Variants in SHANK1 observed in about 807,000 individuals in gnomAD.
SHANK1 encodes SH3 and multiple ankyrin repeat domains 1.
A neutral mutation model predicts 165.6 loss-of-function variants in SHANK1; 35 were observed. The observed-to-expected ratio is 0.21, with a 90% confidence interval of 0.16 to 0.28. SHANK1 has a LOEUF of 0.28. Ranked by LOEUF, SHANK1 falls within the 10% of genes least tolerant of loss-of-function variation. The pLI is 1.00. For missense variants in SHANK1, 2,681 were observed against 3,036.4 expected (o/e 0.88, Z 2.75); for synonymous variants, 1,428 against 1,384.8 (o/e 1.03, Z -0.69).
chr19:50,697,997 T>C lies in SHANK1; in HGVS notation c.1748-41A>G, dbSNP rs780947913. 34 of 1,429,162 alleles carry C rather than the reference T, an allele frequency of 2.4e-5. No individual in the cohort carries two copies. Among genetic ancestry groups the C allele is most frequent in the Non-Finnish European group, 3.0e-5 (31 of 1,022,800 alleles). The allele number at this position is 1,429,162 out of a possible 1,614,324, so 88.5% of individuals were successfully genotyped here. On this transcript the variant is annotated intron_variant, in intron 12 of 23. Coordinates refer to ENST00000293441, the MANE Select transcript of SHANK1 (RefSeq NM_016148.5). This position sits in a 1 kb window ranked among gnomAD's most constrained non-coding sequence, Gnocchi z 4.7. ...GGACATAGAGACATTTCTGTGTTTC[T>C]GTGCTGCCCCTCAACTGCCAACACA...
intron 15 of SHANK1, 134 bp downstream of exon 15, chr19:50,696,962 A>T (rs1986761175): frequency 1.3e-6 from 1 of 761,798 alleles, no homozygotes; most frequent in African/African-American, 1.7e-5. Context: ...GATGCGTGTC[A>T]TGCACACCTA....
At position 50,662,796 on chromosome 19, in the gene SHANK1, A is replaced by T; in HGVS notation, c.5769-114T>A. ...GAGAGAGGAGGAGAGACATAAGGGT[A>T]GGGGGAGAGACGGAGGAGAGACGGG... On this transcript the variant is annotated intron_variant, in intron 23 of 23. Coordinates refer to ENST00000293441, the MANE Select transcript of SHANK1 (RefSeq NM_016148.5). The surrounding 1 kb of genome is among the most constrained non-coding windows in gnomAD (Gnocchi z 7.7). 2.9e-6 allele frequency: 3 copies of T among 1,021,540 alleles called. No homozygotes were observed. Among genetic ancestry groups the T allele is most frequent in the Non-Finnish European group, 2.9e-6 (2 of 696,290 alleles). The allele number at this position is 1,021,540 out of a possible 1,614,324, so 63.3% of individuals were successfully genotyped here.
chr19:50,688,725 G>T lies in SHANK1; in HGVS notation c.2172+119C>A. ...GAGGCTGGCTGGGGGGTGGGCAGGGGGCTGGGAATCCTGGTGCCAAAGGAG... is the reference window on the plus strand; with the variant it reads ...GAGGCTGGCTGGGGGGTGGGCAGGGTGCTGGGAATCCTGGTGCCAAAGGAG... On this transcript the variant is annotated intron_variant, in intron 17 of 23. Transcript: ENST00000293441. The surrounding 1 kb of genome is among the most constrained non-coding windows in gnomAD (Gnocchi z 6.7). 1 of 1,002,690 alleles carries T rather than the reference G, an allele frequency of 1.0e-6. No homozygotes were observed. 62.1% of individuals were successfully genotyped at this position (1,002,690 alleles called of 1,614,324 possible). A position where few individuals can be genotyped will look rare whatever the true frequency, so the allele number is the denominator to read the frequency against.
At chr19:50,684,265 G>T (rs992165516) in intron 21 of SHANK1, among the ~76,000 whole-genome samples, 1 of 150,446 alleles carries the variant, frequency 6.6e-6, no homozygotes, top group Non-Finnish European at 1.5e-5. Context: ...CGCTTTTGTC[G>T]CCCAGGCTGG....
chr19:50,711,362 T>C lies in SHANK1; in HGVS notation c.1077+9A>G, dbSNP rs2123196552. On this transcript the variant is annotated intron_variant, in intron 8 of 23. Transcript: ENST00000293441. ...GTGAGGGGCCTGGGGTGGCCGCTGC[T>C]AGGCAGACCTTGTTGTAGAGGGCGC... is the stretch of plus-strand genomic sequence containing the variant. 3.9e-6 allele frequency: 6 copies of C among 1,550,506 alleles called. No individual in the cohort carries two copies. The highest frequency in any genetic ancestry group is 1.2e-5 in the South Asian group (1 of 84,090).
At chr19:50,665,902 A>ATTCCTGTAACCCCAGCTACT (rs1555739472) in intron 23 of SHANK1, among the ~76,000 whole-genome samples, 1 of 135,648 alleles carries the variant, frequency 7.4e-6, no homozygotes, top group African/African-American at 2.9e-5. Context: ...GTGTGGTGGC[A>ATTCCTGTAACCCCAGCTACT]TGGGAGGCTG....
Position 50,717,188 on chromosome 19 carries a change from C to T in SHANK1, c.-43-226G>A, listed in dbSNP as rs7258740. The stretch of plus-strand genomic sequence containing the variant: ...ACATGCTTCTGGCATGTGTCTCCTT[C>T]CCTGCCCTTGGCCCCGCTTGCAGCC... On this transcript the variant is annotated intron_variant, in intron 1 of 23. Coordinates refer to ENST00000293441, the MANE Select transcript of SHANK1 (RefSeq NM_016148.5). The surrounding 1 kb of genome is among the most constrained non-coding windows in gnomAD (Gnocchi z 5.5). Among the ~76,000 whole-genome samples, 2,901 of 152,328 alleles carry T rather than the reference C, an allele frequency of 0.019. 83 individuals are homozygous for T. The highest frequency in any genetic ancestry group is 0.066 in the African/African-American group (2,743 of 41,568).
intron 11 of SHANK1, 110 bp downstream of exon 11, chr19:50,703,390 G>A (rs1258214995): frequency 4.4e-6 from 4 of 915,526 alleles, no homozygotes; most frequent in Non-Finnish European, 6.5e-6. Context: ...TAGGGACTTG[G>A]ATGAGGGCCT....
rs886973914 is a variant in SHANK1, at chr19:50,718,471, C to T, written c.-44+935G>A. 6.6e-6 allele frequency among the ~76,000 whole-genome samples: 1 copy of T among 152,004 alleles called. No homozygotes were observed. The highest frequency in any genetic ancestry group is 2.4e-5 in the African/African-American group (1 of 41,394). On this transcript the variant is annotated intron_variant, in intron 1 of 23. Transcript: ENST00000293441. The surrounding 1 kb of genome is among the most constrained non-coding windows in gnomAD (Gnocchi z 5.1). ...TGGCTAGGGCCCCCCGCGCGTACGG[C>T]TGCCCCAGCCCCCCCGGGCCGGCTC... is the stretch of plus-strand genomic sequence containing the variant.
chr19:50,688,903 C>A lies in SHANK1; in HGVS notation c.2113G>T (p.Val705Leu), dbSNP rs1348725438. 6.3e-7 allele frequency: 1 copy of A among 1,583,724 alleles called. No individual in the cohort carries two copies. Among genetic ancestry groups the A allele is most frequent in the East Asian group, 2.3e-5 (1 of 42,922 alleles). ...AFPALQYLES[V>L]DEGGVAWRAG... ...CGCCATGCCACGCCACCCTCGTCCA[C>A]CGACTCCAGGTACTGCAGCGCCGGG... is the stretch of plus-strand genomic sequence containing the variant. The change falls in exon 17 of 24, where the codon GTG becomes TTG. Residue 705 changes from valine (V) to leucine (L), a missense_variant. This residue lies in a region of SHANK1 where 147 missense variants were observed against 256.5 expected (regional missense o/e 0.57). Transcript: ENST00000293441. The surrounding 1 kb of genome is among the most constrained non-coding windows in gnomAD (Gnocchi z 6.7).
At chr19:50,711,622 GC>G (rs1488874467) in intron 7 of SHANK1, 135 bp from the exon 8 acceptor site, 3 of 706,806 alleles carry the variant, frequency 4.2e-6, no homozygotes, top group African/African-American at 3.6e-5. Flanking sequence ...TCACCTTTTA[GC>G]CCCGCTTCCT....
intron 15 of SHANK1, among the ~76,000 whole-genome samples, chr19:50,696,043 G>A (rs1179850778): frequency 6.6e-6 from 1 of 152,142 alleles, no homozygotes; most frequent in Non-Finnish European, 1.5e-5. Context: ...AGGGGAAGCT[G>A]AGACGCACCA....
In SHANK1 at chr19:50,672,110, C is replaced by T; in HGVS notation, c.2582G>A (p.Ser861Asn). The T allele has an allele frequency of 6.2e-7, 1 of 1,613,228 alleles. No homozygotes were observed. Among genetic ancestry groups the T allele is most frequent in the African/African-American group, 1.3e-5 (1 of 74,996 alleles). ...RPKGFFATES[S>N]FDPHHRAQPS... is the part of the protein sequence containing the mutation. ...CTGGGCACGGTGGTGGGGATCGAAG[C>T]TCGACTTTGGAGCGGCAGTCAGAGG... is the stretch of plus-strand genomic sequence containing the variant. The change falls in exon 22 of 24, where the codon AGC becomes AAC. Residue 861 changes from serine to asparagine, a missense_variant. By Grantham distance (46) the Ser-to-Asn change is conservative. Coordinates refer to ENST00000293441, the MANE Select transcript of SHANK1 (RefSeq NM_016148.5).
At chr19:50,681,121 C>T (rs1006728472) in intron 21 of SHANK1, among the ~76,000 whole-genome samples, 4 of 151,880 alleles carry the variant, frequency 2.6e-5, no homozygotes, top group Non-Finnish European at 4.4e-5. Context: ...ATCGAGACAC[C>T]GAGAACAAGA....
At position 50,703,782 on chromosome 19, in the gene SHANK1, G is replaced by C; in HGVS notation, c.1271C>G (p.Pro424Arg). Residue 424 changes from proline (P) to arginine (R), a missense_variant, in exon 11 of 24, where the codon CCA becomes CGA. Coordinates refer to ENST00000293441, the MANE Select transcript of SHANK1 (RefSeq NM_016148.5). ...PKYAARRRGP[P>R]GTGLTVPPAL... ...CGGGGGCACCGTCAGCCCTGTGCCTGGGGGCCCCCGTCGCCGGGCCGCGTA... is the reference window on the plus strand; with the variant it reads ...CGGGGGCACCGTCAGCCCTGTGCCTCGGGGCCCCCGTCGCCGGGCCGCGTA... 1 of 1,428,378 alleles carries C rather than the reference G, an allele frequency of 7.0e-7. No individual in the cohort carries two copies. 88.5% of individuals were successfully genotyped at this position (1,428,378 alleles called of 1,614,324 possible). A position where few individuals can be genotyped will look rare whatever the true frequency, so the allele number is the denominator to read the frequency against.
chr19:50,702,730 C>G lies in SHANK1; in HGVS notation c.1554-70G>C. 3.5e-6 allele frequency: 3 copies of G among 861,324 alleles called. No homozygotes were observed. Among genetic ancestry groups the G allele is most frequent in the African/African-American group, 1.7e-5 (1 of 58,226 alleles). 53.4% of individuals were successfully genotyped at this position (861,324 alleles called of 1,614,324 possible). ...GGACACCTCTGGGAGGACAGGGGTC[C>G]TTGGGTGGGGGAAGAGGACGGTGCA... On this transcript the variant is annotated intron_variant, in intron 11 of 23. Transcript: ENST00000293441. This position sits in a 1 kb window ranked among gnomAD's most constrained non-coding sequence, Gnocchi z 5.3.
In SHANK1 at chr19:50,666,337, T is replaced by C; in HGVS notation, c.5623A>G (p.Ser1875Gly). 6.2e-7 allele frequency: 1 copy of C among 1,613,812 alleles called. No homozygotes were observed. Among genetic ancestry groups the C allele is most frequent in the Non-Finnish European group, 8.5e-7 (1 of 1,179,914 alleles). Reference protein sequence around the residue: ...TVKASIISELSSKLQQFGGSS... With the variant: ...TVKASIISELGSKLQQFGGSS... ...CCCCCAAACTGCTGAAGCTTGGAGC[T>C]GAGTTCACTGATGATGCTGGCTTTT... Residue 1875 changes from serine (S) to glycine (G), a missense_variant, in exon 23 of 24, where the codon AGC (serine) becomes GGC (glycine). Transcript: ENST00000293441.
rs149315888 is a variant in SHANK1 at position 50,687,742 on chromosome 19, G to A, written c.2309-80C>T. On this transcript the variant is annotated intron_variant, in intron 18 of 23. Transcript: ENST00000293441. ...CCTCTACCACCACAGGGCTCCCAGG[G>A]CTCAGAGAATAGCCATTGCCAGCGT... 3.6e-4 allele frequency: 494 copies of A among 1,380,630 alleles called. 2 individuals carry two copies. In the East Asian group the frequency reaches 0.011, roughly 32 times the overall value. 85.5% of individuals were successfully genotyped at this position (1,380,630 alleles called of 1,614,324 possible).
At chr19:50,695,481 G>A (rs956682023) in intron 15 of SHANK1, among the ~76,000 whole-genome samples, 1 of 150,672 alleles carries the variant, frequency 6.6e-6, no homozygotes, top group Non-Finnish European at 1.5e-5. Flanking sequence ...AGGCTTGGAG[G>A]GGGGAGGAGA....
Sources: allele counts gnomAD v4.1 joint callset (sites outside exome capture counted in the v4.1 genomes callset), GRCh38; gene constraint gnomAD v4.1.1; regional missense constraint gnomAD v4.1.1; non-coding constraint Gnocchi (gnomAD v3.1); transcripts MANE v1.5; gene names NCBI Gene and HGNC (gene_info 2026-07-23, HGNC 2026-07-21).